GIGYF2: variants seen among roughly 807,000 people sequenced by gnomAD.
GIGYF2 encodes GRB10 interacting GYF protein 2.
In GIGYF2, 25 loss-of-function variants were observed where a neutral mutation model predicts 208.1. The observed-to-expected ratio is 0.12, with a 90% CI of 0.09 to 0.17. The LOEUF (loss-of-function observed/expected upper bound fraction) is 0.17. GIGYF2 is among the 10% of genes least tolerant of loss of function. The pLI, the probability that GIGYF2 is intolerant of heterozygous loss-of-function variation, is 1.00. For synonymous variants in GIGYF2, 534 were observed against 543.8 expected, an observed-to-expected ratio of 0.98 and a Z score of 0.25; for missense variants, 1,302 against 1,579.4, an observed-to-expected ratio of 0.82 and a Z score of 2.98.
chr2:232,706,799 A>G (rs1354455271), intron 2 of GIGYF2, among the ~76,000 whole-genome samples: 1 of 151,794 alleles, frequency 6.6e-6, no homozygotes, highest in Non-Finnish European at 1.5e-5. Flanking sequence ...ATAAATAAAT[A>G]AAAATAAATA....
intron 3 of GIGYF2, among the ~76,000 whole-genome samples, chr2:232,737,701 C>G (rs1239213297): frequency 6.6e-6 from 1 of 152,010 alleles, no homozygotes; most frequent in East Asian, 1.9e-4. Context: ...TAACATCGAA[C>G]CAGTGTGCAA....
chr2:232,724,911 T>C (rs554287579), intron 2 of GIGYF2, among the ~76,000 whole-genome samples: 8 of 152,316 alleles, frequency 5.3e-5, no homozygotes, highest in Non-Finnish European at 1.2e-4. Flanking sequence ...CCATCTTTGT[T>C]GTATGCACAA....
intron 8 of GIGYF2, among the ~76,000 whole-genome samples, chr2:232,780,074 A>T (rs762380563): frequency 6.6e-6 from 1 of 152,116 alleles, no homozygotes; most frequent in Admixed American, 6.5e-5. Context: ...GCTTGTGGAG[A>T]TTGGGCACTT....
At chr2:232,845,399 T>G (rs141450650) in intron 25 of GIGYF2, among the ~76,000 whole-genome samples, 2 of 152,172 alleles carry the variant, frequency 1.3e-5, no homozygotes, top group Admixed American at 6.5e-5. Flanking sequence ...TTATTACTTA[T>G]GATAACCCAA....
At chr2:232,750,612 GT>G (rs1698301449) in intron 5 of GIGYF2, among the ~76,000 whole-genome samples, 1 of 152,028 alleles carries the variant, frequency 6.6e-6, no homozygotes, top group Non-Finnish European at 1.5e-5. Context: ...GCAGTAAACA[GT>G]TGTTTTTCAG....
At chr2:232,771,776 G>T (rs1471257782) in intron 8 of GIGYF2, among the ~76,000 whole-genome samples, 1 of 152,132 alleles carries the variant, frequency 6.6e-6, no homozygotes, top group Non-Finnish European at 1.5e-5. Context: ...TTATAATTAT[G>T]CATTATTCAT....
intron 3 of GIGYF2, among the ~76,000 whole-genome samples, chr2:232,744,296 ATGAGAAGGAGTC>A (rs1451857458): frequency 6.6e-6 from 1 of 152,204 alleles, no homozygotes; most frequent in Non-Finnish European, 1.5e-5. Context: ...ATGTTAGGCC[ATGAGAAGGAGTC>A]TTTGGGGAGA....
intron 7 of GIGYF2, 76 bp downstream of exon 7, chr2:232,760,667 A>T: frequency 1.1e-6 from 1 of 881,794 alleles, no homozygotes; most frequent in Non-Finnish European, 1.9e-6. Flanking sequence ...GCGGGGAGAA[A>T]TGTTTTTGTA....
intron 22 of GIGYF2, among the ~76,000 whole-genome samples, chr2:232,836,329 TACA>T (rs1701624462): frequency 3.7e-5 from 1 of 26,780 alleles, no homozygotes; most frequent in African/African-American, 1.2e-4. Flanking sequence ...TATATATATA[TACA>T]TATATATACT....
At chr2:232,789,655 T>G (rs559731524) in intron 9 of GIGYF2, among the ~76,000 whole-genome samples, 3 of 152,294 alleles carry the variant, frequency 2.0e-5, no homozygotes, top group South Asian at 2.1e-4. Context: ...ATTTTTAGAT[T>G]GCTGGTTTTT....
intron 21 of GIGYF2, among the ~76,000 whole-genome samples, chr2:232,821,924 G>A (rs367549428): frequency 6.7e-6 from 1 of 149,250 alleles, no homozygotes; most frequent in South Asian, 2.1e-4. Flanking sequence ...TTTTGTCAAA[G>A]TCAATTGTAT....
intron 2 of GIGYF2, 108 bp from the exon 3 acceptor site, chr2:232,735,047 C>T (rs1697676092): frequency 1.6e-6 from 1 of 639,784 alleles, no homozygotes; most frequent in Non-Finnish European, 2.8e-6. Flanking sequence ...ATTTTTGTGA[C>T]TCTAGTTGAG....
intron 4 of GIGYF2, among the ~76,000 whole-genome samples, chr2:232,748,013 A>C (rs1224939095): frequency 1.3e-5 from 2 of 152,056 alleles, no homozygotes; most frequent in Non-Finnish European, 2.9e-5. Context: ...CCCCCCTTTC[A>C]TGTCTATTTG....
intron 19 of GIGYF2, 143 bp downstream of exon 19, chr2:232,815,880 A>G: frequency 1.5e-6 from 1 of 655,576 alleles, no homozygotes; most frequent in Non-Finnish European, 2.8e-6. Context: ...TTCATATTGT[A>G]TCTTTACTGT....
chr2:232,747,834 A>G, intron 4 of GIGYF2, 90 bp downstream of exon 4: 3 of 1,252,866 alleles, frequency 2.4e-6, no homozygotes, highest in African/African-American at 1.5e-5. Flanking sequence ...GATTTATTTT[A>G]CTAATGTATT....
Position 232,844,221 on chromosome 2 carries a change from A to G in GIGYF2, c.3065A>G (p.Gln1022Arg), listed in dbSNP as rs769771234. The G allele has an allele frequency of 3.8e-6, 6 of 1,566,046 alleles. No individual in the cohort carries two copies. Among genetic ancestry groups the G allele is most frequent in the Non-Finnish European group, 5.2e-6 (6 of 1,154,166 alleles). ...QMQKQQQQQQ[Q>R]HQQPNRARNN... The stretch of plus-strand genomic sequence containing the variant: ...CAAAAGCAGCAGCAGCAGCAGCAGC[A>G]ACACCAGCAACCAAACAGAGCTCGT... The change falls in exon 24 of 29, where the codon CAA becomes CGA. Residue 1022 changes from glutamine to arginine, a missense_variant. Around this residue, in one of 8 missense-constraint regions of GIGYF2, gnomAD observed 701 missense variants for 793.0 expected, o/e 0.88. Coordinates refer to ENST00000373563, the MANE Select transcript of GIGYF2 (RefSeq NM_001103146.3).
At chr2:232,855,574 A>G (rs1690534212) in intron 28 of GIGYF2, among the ~76,000 whole-genome samples, 1 of 152,104 alleles carries the variant, frequency 6.6e-6, no homozygotes, top group South Asian at 2.1e-4. Flanking sequence ...ATATGCGAGG[A>G]CTCTAAGGAT....
chr2:232,750,982 A>T (rs1314756515), intron 5 of GIGYF2, among the ~76,000 whole-genome samples: 1 of 152,048 alleles, frequency 6.6e-6, no homozygotes, highest in Non-Finnish European at 1.5e-5. Flanking sequence ...GGTGCATGCC[A>T]CTGCATTTGG....
intron 3 of GIGYF2, among the ~76,000 whole-genome samples, chr2:232,746,513 T>C (rs1227373188): frequency 6.6e-6 from 1 of 152,190 alleles, no homozygotes; most frequent in Non-Finnish European, 1.5e-5. Context: ...ATGTTAGTTT[T>C]TCCACTTGCT....
Sources: gnomAD v4.1 joint callset for allele counts (sites outside exome capture counted in the v4.1 genomes callset) on GRCh38, gnomAD v4.1.1 for gene constraint, gnomAD v4.1.1 regional missense constraint, MANE v1.5 for transcripts, NCBI Gene and HGNC (gene_info 2026-07-23, HGNC 2026-07-21) for gene names.